The following GCH1 variants were observed in gnomAD, a reference collection of about 807,000 sequenced individuals.
GCH1 encodes the protein GTP cyclohydrolase 1.
GCH1 carries 5 observed loss-of-function variants against 25.9 expected under a neutral mutation model. The ratio of observed to expected loss-of-function variants is 0.19; its 90% CI spans 0.10 to 0.41. GCH1 has a LOEUF of 0.41. Among genes scored for constraint, GCH1 ranks in the 10% least tolerant of loss-of-function variants. The pLI is 1.00. For missense variants in GCH1, 261 were observed against 336.5 expected, an observed-to-expected ratio of 0.78 and a Z score of 1.75; for synonymous variants, 159 against 129.6, an observed-to-expected ratio of 1.23 and a Z score of -1.54.
At position 54,845,864 on chromosome 14, in the gene GCH1, A is replaced by G. The variant is rs554517901; in HGVS notation, c.542-12T>C. 2.9e-5 allele frequency: 43 copies of G among 1,487,598 alleles called. No individual in the cohort carries two copies. In the South Asian group the frequency reaches 4.5e-4, roughly 16 times the overall value. 92.1% of individuals were successfully genotyped at this position (1,487,598 alleles called of 1,614,324 possible). ...AAGGCGCTCCTGAACTGTGGATGTG[A>G]TAAGGAGCTCAGTTTGAGAGTCTGA... On this transcript the variant is annotated splice_polypyrimidine_tract_variant and intron_variant, in intron 4 of 5. Coordinates refer to ENST00000491895, the MANE Select transcript of GCH1 (RefSeq NM_000161.3).
chr14:54,875,552 G>A (rs1216044586), intron 1 of GCH1, among the ~76,000 whole-genome samples: 1 of 152,056 alleles, frequency 6.6e-6, no homozygotes, highest in South Asian at 2.1e-4. Context: ...CAGAATGGGA[G>A]AAAATTTTTG....
chr14:54,863,421 C>CA lies in GCH1; in HGVS notation c.453+1905dup, dbSNP rs755639452. ...TGGGCGACAGAGCGAGACTCCGTCT[C>CA]AAAAAAAAAAAAAAAAAAAAAAAAA... On this transcript the variant is annotated intron_variant, in intron 2 of 5. Coordinates refer to ENST00000491895, the MANE Select transcript of GCH1 (RefSeq NM_000161.3). Among the ~76,000 whole-genome samples, 69 of 8,336 alleles carry CA rather than the reference C, an allele frequency of 8.3e-3. 19 individuals carry two copies. The highest frequency in any genetic ancestry group is 0.016 in the African/African-American group (27 of 1,716). The allele number at this position is 8,336 out of a possible 152,430, so 5.5% of individuals were successfully genotyped here.
chr14:54,873,267 G>T (rs1221206334), intron 1 of GCH1, among the ~76,000 whole-genome samples: 1 of 152,160 alleles, frequency 6.6e-6, no homozygotes, highest in African/African-American at 2.4e-5. Flanking sequence ...CGAAATGAAG[G>T]TAGACATAAA....
At chr14:54,882,440 G>A (rs951895325) in intron 1 of GCH1, among the ~76,000 whole-genome samples, 7 of 152,200 alleles carry the variant, frequency 4.6e-5, no homozygotes, top group Admixed American at 1.3e-4. Context: ...TCTGGTCTCA[G>A]TTTACTACTC....
rs754924703 is a variant in GCH1 at position 54,902,314 on chromosome 14, C to T, written c.343+7G>A. 4.3e-6 allele frequency: 7 copies of T among 1,611,776 alleles called. No homozygotes were observed. Among genetic ancestry groups the T allele is most frequent in the Middle Eastern group, 1.8e-4 (1 of 5,610 alleles). On this transcript the variant is annotated splice_region_variant and intron_variant, in intron 1 of 5. Coordinates refer to ENST00000491895, the MANE Select transcript of GCH1 (RefSeq NM_000161.3). ...CGCACGCTCTAGCAGCCCGCGGGCG[C>T]ACTGACCTGAGATGGTCTCCTGGTA...
intron 1 of GCH1, among the ~76,000 whole-genome samples, chr14:54,870,927 G>A (rs552385866): frequency 2.1e-4 from 32 of 152,026 alleles, no homozygotes; most frequent in African/African-American, 7.7e-4. Context: ...TGGGGGCACG[G>A]CATAGCCGAA....
chr14:54,850,672 CCT>C (rs1178347596), intron 3 of GCH1, among the ~76,000 whole-genome samples: 1 of 152,064 alleles, frequency 6.6e-6, no homozygotes, highest in Non-Finnish European at 1.5e-5. Context: ...TGTTTCCTAC[CCT>C]GTGTCCAAGT....
intron 2 of GCH1, among the ~76,000 whole-genome samples, chr14:54,861,080 C>A (rs1426462266): frequency 1.3e-5 from 2 of 151,992 alleles, no homozygotes; most frequent in Non-Finnish European, 2.9e-5. Flanking sequence ...ATTAATTAAC[C>A]GAATATAAAA....
chr14:54,871,712 G>A (rs1352168519), intron 1 of GCH1, among the ~76,000 whole-genome samples: 2 of 152,216 alleles, frequency 1.3e-5, no homozygotes, highest in Non-Finnish European at 2.9e-5. Context: ...ACAAGCCTCA[G>A]TAGCTGATTC....
chr14:54,884,347 A>G (rs1026212840), intron 1 of GCH1, among the ~76,000 whole-genome samples: 1 of 152,202 alleles, frequency 6.6e-6, no homozygotes, highest in Admixed American at 6.5e-5. Flanking sequence ...GAAGAAAAGT[A>G]CCATATAAAA....
At chr14:54,863,499 C>CAAAA (rs1209956263) in intron 2 of GCH1, among the ~76,000 whole-genome samples, 38 of 17,888 alleles carry the variant, frequency 2.1e-3, no homozygotes, top group African/African-American at 7.0e-3. Flanking sequence ...TTTGTAATAG[C>CAAAA]AAAAAAAAAA....
At chr14:54,897,339 A>T (rs1183286083) in intron 1 of GCH1, among the ~76,000 whole-genome samples, 1 of 147,848 alleles carries the variant, frequency 6.8e-6, no homozygotes, top group Non-Finnish European at 1.5e-5. Flanking sequence ...CCCAGGCTGG[A>T]GTGCAATGGT....
intron 4 of GCH1, 139 bp from the exon 5 acceptor site, chr14:54,845,991 C>T: frequency 1.5e-6 from 1 of 680,376 alleles, no homozygotes; most frequent in Non-Finnish European, 2.7e-6. Flanking sequence ...TTTTACCAGA[C>T]TGCTTTGTCT....
intron 3 of GCH1, among the ~76,000 whole-genome samples, chr14:54,858,894 G>A (rs1383849430): frequency 1.3e-5 from 2 of 152,196 alleles, no homozygotes; most frequent in East Asian, 1.9e-4. Context: ...ACAGATGAAC[G>A]TGTATGTACA....
At position 54,842,891 on chromosome 14, in the gene GCH1, C is replaced by A. The variant is rs2039579203; in HGVS notation, c.*1126G>T. On this transcript the variant is annotated 3_prime_UTR_variant, in exon 6 of 6. Coordinates refer to ENST00000491895, the MANE Select transcript of GCH1 (RefSeq NM_000161.3). ...ACGGAGTTACAATGAGGACAAGACC[C>A]ACATAGACCACAAAGGAAACCGGGA... The A allele has an allele frequency of 3.4e-6, 2 of 580,098 alleles. No homozygotes were observed. Among genetic ancestry groups the A allele is most frequent in the East Asian group, 5.7e-5 (2 of 35,242 alleles). 35.9% of individuals were successfully genotyped at this position (580,098 alleles called of 1,614,324 possible).
intron 3 of GCH1, among the ~76,000 whole-genome samples, chr14:54,851,576 A>T (rs1323321947): frequency 1.3e-5 from 2 of 152,248 alleles, no homozygotes; most frequent in Non-Finnish European, 2.9e-5. Context: ...ATGAACAGAC[A>T]CTTCTCAAAA....
chr14:54,883,636 G>A (rs1171395689), intron 1 of GCH1, among the ~76,000 whole-genome samples: 1 of 152,018 alleles, frequency 6.6e-6, no homozygotes, highest in African/African-American at 2.4e-5. Flanking sequence ...CCGAGATCAC[G>A]CCACTGCACT....
chr14:54,878,570 T>A (rs1218052713), intron 1 of GCH1, among the ~76,000 whole-genome samples: 1 of 152,206 alleles, frequency 6.6e-6, no homozygotes, highest in Admixed American at 6.5e-5. Context: ...GCTTATCTCA[T>A]CATGCCTCGT....
chr14:54,844,188 G>T, intron 5 of GCH1, 45 bp from the exon 6 acceptor site: 1 of 1,381,738 alleles, frequency 7.2e-7, no homozygotes, highest in African/African-American at 1.4e-5. Flanking sequence ...GTAGACAGCT[G>T]CTGGTTTGGT....
Sources: gnomAD v4.1 joint callset for allele counts (sites outside exome capture counted in the v4.1 genomes callset) on GRCh38, gnomAD v4.1.1 for gene constraint, MANE v1.5 for transcripts, NCBI Gene and HGNC (gene_info 2026-07-23, HGNC 2026-07-21) for gene names.